The following SIMC1 variants were observed in gnomAD, a reference collection of about 807,000 sequenced individuals.
SIMC1 encodes SUMO-interacting motif-containing protein 1.
In SIMC1, 55 loss-of-function variants were observed where a neutral mutation model predicts 82.3. That is an observed-to-expected ratio of 0.67 (90% CI 0.54 to 0.84). The LOEUF (loss-of-function observed/expected upper bound fraction) is 0.84. Ranked by LOEUF, SIMC1 falls within the 40% of genes least tolerant of loss-of-function variation. SIMC1 has a pLI of 0.00. For missense variants in SIMC1, 915 were observed against 1,107.2 expected, an observed-to-expected ratio of 0.83 and a Z score of 2.46; for synonymous variants, 353 against 426.3, an observed-to-expected ratio of 0.83 and a Z score of 2.12.
intron 7 of SIMC1, among the ~76,000 whole-genome samples, chr5:176,327,322 G>T (rs1009050122): frequency 6.6e-6 from 1 of 152,074 alleles, no homozygotes; most frequent in Non-Finnish European, 1.5e-5. Flanking sequence ...TAAAGATTAA[G>T]TATAATTTAC....
chr5:176,280,834 C>T (rs568922190), intron 1 of SIMC1, among the ~76,000 whole-genome samples: 32 of 152,248 alleles, frequency 2.1e-4, no homozygotes, highest in African/African-American at 7.7e-4. Context: ...TTGTGGGTAA[C>T]CCGACCTTTC....
At chr5:176,260,793 T>C (rs1219276003) in intron 1 of SIMC1, among the ~76,000 whole-genome samples, 1 of 152,114 alleles carries the variant, frequency 6.6e-6, no homozygotes, top group Non-Finnish European at 1.5e-5. Context: ...AGAGATACAA[T>C]CTACTTCTGT....
chr5:176,275,066 C>T (rs1189424161), intron 1 of SIMC1, among the ~76,000 whole-genome samples: 3 of 151,584 alleles, frequency 2.0e-5, no homozygotes, highest in Non-Finnish European at 4.4e-5. Flanking sequence ...TTACCTTGGG[C>T]AGTATGGCCA....
At chr5:176,245,322 C>T (rs1323698333) in intron 1 of SIMC1, among the ~76,000 whole-genome samples, 16 of 152,066 alleles carry the variant, frequency 1.1e-4, no homozygotes, top group African/African-American at 3.6e-4. Flanking sequence ...CAAGGAACAC[C>T]GAGGACTGCT....
Position 176,336,955 on chromosome 5 carries a change from G to C in SIMC1, c.2328+79G>C, listed in dbSNP as rs1171398877. ...CCCGAACCCTTCCCATAGGATTTTA[G>C]CTTAAAACACAACTGTTTGAGCATT... On this transcript the variant is annotated intron_variant, in intron 8 of 9. Transcript: ENST00000429602. 3.1e-6 allele frequency: 5 copies of C among 1,601,146 alleles called. No homozygotes were observed. In the African/African-American group the frequency reaches 6.7e-5, roughly 22 times the overall value.
At chr5:176,293,753 A>G (rs912562955) in intron 2 of SIMC1, among the ~76,000 whole-genome samples, 1 of 152,018 alleles carries the variant, frequency 6.6e-6, no homozygotes, top group African/African-American at 2.4e-5. Flanking sequence ...ATCTCAAAAA[A>G]AAAAAAAAAA....
intron 1 of SIMC1, among the ~76,000 whole-genome samples, chr5:176,285,169 G>A (rs1363256479): frequency 6.6e-6 from 1 of 152,100 alleles, no homozygotes; most frequent in Non-Finnish European, 1.5e-5. Flanking sequence ...CCAAAGCCGG[G>A]CAGAGACACA....
chr5:176,297,947 G>A (rs1763892659), intron 4 of SIMC1, among the ~76,000 whole-genome samples: 1 of 152,176 alleles, frequency 6.6e-6, no homozygotes, highest in Non-Finnish European at 1.5e-5. Flanking sequence ...AGTTAGTCCA[G>A]ATAGGAGTGA....
intron 1 of SIMC1, among the ~76,000 whole-genome samples, chr5:176,246,174 T>C (rs1015782172): frequency 2.0e-5 from 3 of 151,384 alleles, no homozygotes; most frequent in Non-Finnish European, 4.4e-5. Flanking sequence ...TACACCTGGC[T>C]AATTTTTTTG....
chr5:176,308,423 G>T, intron 4 of SIMC1: 1 of 1,607,616 alleles, frequency 6.2e-7, no homozygotes, highest in East Asian at 2.2e-5. Flanking sequence ...TTGTGGGCTG[G>T]TATCATTCCC....
intron 6 of SIMC1, among the ~76,000 whole-genome samples, chr5:176,322,967 T>C (rs2113371127): frequency 6.6e-6 from 1 of 152,282 alleles, no homozygotes; most frequent in African/African-American, 2.4e-5. Context: ...TTGGCGTTTT[T>C]TGAGAGATGC....
chr5:176,319,310 C>G (rs1765056652), intron 5 of SIMC1, among the ~76,000 whole-genome samples: 1 of 152,138 alleles, frequency 6.6e-6, no homozygotes, highest in South Asian at 2.1e-4. Flanking sequence ...GGATTTTTCA[C>G]TTTTGTAATT....
At position 176,335,033 on chromosome 5, in the gene SIMC1, G is replaced by C. The variant is rs1194289672; in HGVS notation, c.2172-1687G>C. 2.6e-5 allele frequency among the ~76,000 whole-genome samples: 4 copies of C among 151,806 alleles called. No individual in the cohort carries two copies. In the East Asian group the frequency reaches 7.8e-4, roughly 30 times the overall value. On this transcript the variant is annotated intron_variant, in intron 7 of 9. Coordinates refer to ENST00000429602, the MANE Select transcript of SIMC1 (RefSeq NM_001308195.2). ...TTGAACCCGGGGGGTGGGGGTGGAGGTTGCAGTGAGCTGAGATCAGGCCAC... is the reference window on the plus strand; with the variant it reads ...TTGAACCCGGGGGGTGGGGGTGGAGCTTGCAGTGAGCTGAGATCAGGCCAC...
intron 1 of SIMC1, among the ~76,000 whole-genome samples, chr5:176,247,434 C>T (rs4868620): frequency 7.6e-4 from 115 of 152,126 alleles, no homozygotes; most frequent in Non-Finnish European, 8.5e-4. Flanking sequence ...TTATATCCTT[C>T]GCCCACTTTT....
intron 5 of SIMC1, among the ~76,000 whole-genome samples, chr5:176,316,258 C>T (rs1382965400): frequency 6.6e-6 from 1 of 152,062 alleles, no homozygotes; most frequent in Non-Finnish European, 1.5e-5. Context: ...GCTTTGCGAG[C>T]CTAGGCATTA....
At chr5:176,339,589 G>C (rs1295263734) in intron 9 of SIMC1, among the ~76,000 whole-genome samples, 1 of 152,098 alleles carries the variant, frequency 6.6e-6, no homozygotes, top group African/African-American at 2.4e-5. Context: ...AACATTTCTT[G>C]TTCCTTTCTA....
intron 1 of SIMC1, among the ~76,000 whole-genome samples, chr5:176,248,774 C>T (rs1761541279): frequency 3.3e-5 from 5 of 152,124 alleles, no homozygotes; most frequent in South Asian, 2.1e-4. Flanking sequence ...TTTTGAGATA[C>T]GTTTCATCAA....
intron 5 of SIMC1, among the ~76,000 whole-genome samples, chr5:176,319,674 A>G (rs1029015903): frequency 6.6e-6 from 1 of 152,220 alleles, no homozygotes; most frequent in Non-Finnish European, 1.5e-5. Flanking sequence ...AAAGAAAATA[A>G]TATAAACTGT....
intron 5 of SIMC1, among the ~76,000 whole-genome samples, chr5:176,321,295 T>C (rs542541424): frequency 5.9e-5 from 9 of 152,318 alleles, no homozygotes; most frequent in African/African-American, 2.2e-4. Context: ...GTAGTTTATT[T>C]ATATTGATAG....
Sources: allele counts gnomAD v4.1 joint callset (sites outside exome capture counted in the v4.1 genomes callset), GRCh38; gene constraint gnomAD v4.1.1; transcripts MANE v1.5; gene names NCBI Gene and HGNC (gene_info 2026-07-23, HGNC 2026-07-21).